Variants in RCAN2 observed in about 807,000 individuals in gnomAD.
RCAN2 encodes the protein calcipressin-2.
RCAN2 carries 9 observed loss-of-function variants against 23.6 expected under a neutral mutation model. The ratio of observed to expected loss-of-function variants is 0.38; its 90% CI spans 0.23 to 0.67. The LOEUF (loss-of-function observed/expected upper bound fraction) is 0.67, where lower values mean the gene tolerates loss of function less well. Ranked by LOEUF, RCAN2 falls within the 30% of genes least tolerant of loss-of-function variation. The pLI, the probability that RCAN2 is intolerant of heterozygous loss-of-function variation, is 0.51. For synonymous variants in RCAN2, 109 were observed against 115.7 expected (o/e 0.94, Z 0.37); for missense variants, 273 against 302.3 (o/e 0.90, Z 0.72).
At chr6:46,303,662 A>T (rs1411823927) in intron 2 of RCAN2, among the ~76,000 whole-genome samples, 2 of 152,036 alleles carry the variant, frequency 1.3e-5, no homozygotes, top group Non-Finnish European at 2.9e-5. Context: ...CACCTCCTCC[A>T]ATCCTCAGGT....
At chr6:46,225,051 T>C (rs1159996011) in intron 4 of RCAN2, among the ~76,000 whole-genome samples, 13 of 152,048 alleles carry the variant, frequency 8.5e-5, no homozygotes, top group Non-Finnish European at 1.9e-4. Context: ...TCTGTCCTTG[T>C]GATAGTTTGC....
intron 2 of RCAN2, among the ~76,000 whole-genome samples, chr6:46,432,270 A>G (rs942512192): frequency 3.2e-4 from 49 of 151,978 alleles, no homozygotes; most frequent in African/African-American, 1.1e-3. Flanking sequence ...CTGGTGTGCA[A>G]TAGTGCAATC....
intron 2 of RCAN2, among the ~76,000 whole-genome samples, chr6:46,262,321 A>T (rs1767136203): frequency 6.6e-6 from 1 of 152,086 alleles, no homozygotes; most frequent in Non-Finnish European, 1.5e-5. Context: ...TGGACCTTTC[A>T]GTACGTCTCC....
At chr6:46,296,989 G>A (rs947596155) in intron 2 of RCAN2, among the ~76,000 whole-genome samples, 3 of 152,020 alleles carry the variant, frequency 2.0e-5, no homozygotes, top group Non-Finnish European at 4.4e-5. Context: ...AAAAATACTC[G>A]AAATTACTTC....
At chr6:46,489,438 G>GATCGAGTGGATCAACAAATAAT (rs1769079054) in intron 1 of RCAN2, among the ~76,000 whole-genome samples, 1 of 152,226 alleles carries the variant, frequency 6.6e-6, no homozygotes, top group Non-Finnish European at 1.5e-5. Context: ...AATAATTATT[G>GATCGAGTGGATCAACAAATAAT]AATTGATCGA....
intron 4 of RCAN2, among the ~76,000 whole-genome samples, chr6:46,237,227 C>A (rs1009978903): frequency 5.3e-5 from 8 of 152,192 alleles, no homozygotes; most frequent in African/African-American, 1.9e-4. Flanking sequence ...TCCTTCTGAA[C>A]CTTGCCTTGT....
chr6:46,317,321 ATG>A (rs1000866472), intron 2 of RCAN2, among the ~76,000 whole-genome samples: 164 of 152,324 alleles, frequency 1.1e-3, no homozygotes, highest in African/African-American at 3.8e-3. Flanking sequence ...CTACTGATTT[ATG>A]TACAAGTAGT....
intron 2 of RCAN2, among the ~76,000 whole-genome samples, chr6:46,258,160 C>T (rs780891862): frequency 2.0e-5 from 3 of 152,164 alleles, no homozygotes; most frequent in African/African-American, 7.2e-5. Flanking sequence ...TAAAACCACT[C>T]CTTTAGGTTT....
intron 2 of RCAN2, among the ~76,000 whole-genome samples, chr6:46,331,435 C>T (rs546951111): frequency 2.3e-4 from 35 of 152,206 alleles, no homozygotes; most frequent in South Asian, 6.2e-4. Context: ...CCATATTAAA[C>T]GTATAAAACT....
chr6:46,479,937 T>C (rs1304839260), intron 1 of RCAN2, among the ~76,000 whole-genome samples: 4 of 152,174 alleles, frequency 2.6e-5, no homozygotes. Context: ...CATGCAGTCA[T>C]ATAGCCTTCA....
intron 2 of RCAN2, among the ~76,000 whole-genome samples, chr6:46,290,928 A>G (rs1364765996): frequency 6.6e-6 from 1 of 152,194 alleles, no homozygotes; most frequent in Non-Finnish European, 1.5e-5. Flanking sequence ...TAAAATTGAT[A>G]CTACACTCAC....
Position 46,287,416 on chromosome 6 carries a change from G to C in RCAN2, c.226-38520C>G, listed in dbSNP as rs377516793. ...GATGGATCACACAGGCCCCTGCCTG[G>C]AAGGGTTTAATGTTTACACAAACCT... is the stretch of plus-strand genomic sequence containing the variant. On this transcript the variant is annotated intron_variant, in intron 2 of 4. Coordinates refer to ENST00000371374, the MANE Select transcript of RCAN2 (RefSeq NM_001251974.2). Among the ~76,000 whole-genome samples, 9 of 152,340 alleles carry C rather than the reference G, an allele frequency of 5.9e-5. No homozygotes were observed. The East Asian group carries it at 1.7e-3, about 29-fold the overall frequency.
chr6:46,264,493 C>G (rs961537251), intron 2 of RCAN2, among the ~76,000 whole-genome samples: 1 of 152,162 alleles, frequency 6.6e-6, no homozygotes, highest in African/African-American at 2.4e-5. Context: ...CTCACCTTTT[C>G]TATTTGTTTT....
Position 46,302,956 on chromosome 6 carries a change from A to C in RCAN2, c.226-54060T>G, listed in dbSNP as rs1762951455. Among the ~76,000 whole-genome samples the C allele has an allele frequency of 3.3e-5, 5 of 151,830 alleles. No homozygotes were observed. The South Asian group carries it at 1.0e-3, about 32-fold the overall frequency. On this transcript the variant is annotated intron_variant, in intron 2 of 4. Transcript: ENST00000371374. ...AGGGTTTCAAACCCAAGTGGGGCTG[A>C]CTCCCAAGAGCCTCAGTCAACCACT...
At chr6:46,242,923 C>A (rs1766357082) in intron 4 of RCAN2, among the ~76,000 whole-genome samples, 1 of 152,214 alleles carries the variant, frequency 6.6e-6, no homozygotes, top group Admixed American at 6.5e-5. Flanking sequence ...CCACTATGTG[C>A]CAGGTAGTTT....
intron 2 of RCAN2, among the ~76,000 whole-genome samples, chr6:46,343,275 T>G (rs1054166565): frequency 3.3e-5 from 5 of 152,104 alleles, no homozygotes; most frequent in African/African-American, 1.2e-4. Context: ...AACTATCAAC[T>G]ATATTTCTAT....
At chr6:46,289,196 C>T (rs1273915278) in intron 2 of RCAN2, among the ~76,000 whole-genome samples, 1 of 152,190 alleles carries the variant, frequency 6.6e-6, no homozygotes, top group African/African-American at 2.4e-5. Context: ...CTACATGGAC[C>T]TTCATCACTT....
intron 4 of RCAN2, among the ~76,000 whole-genome samples, chr6:46,235,325 T>G (rs1157475209): frequency 1.3e-5 from 2 of 152,314 alleles, no homozygotes; most frequent in East Asian, 3.9e-4. Flanking sequence ...TGCCAAGCAA[T>G]AGATAGAATC....
intron 2 of RCAN2, among the ~76,000 whole-genome samples, chr6:46,251,257 C>T (rs1251196967): frequency 3.3e-5 from 5 of 152,094 alleles, no homozygotes; most frequent in South Asian, 4.2e-4. Flanking sequence ...AGTCTCATTA[C>T]GGAATTGTGT....
Sources: allele counts gnomAD v4.1 joint callset (sites outside exome capture counted in the v4.1 genomes callset), GRCh38; gene constraint gnomAD v4.1.1; transcripts MANE v1.5; gene names NCBI Gene and HGNC (gene_info 2026-07-23, HGNC 2026-07-21).